RAB39A: variants seen among roughly 807,000 people sequenced by gnomAD.
The protein encoded by RAB39A is ras-related protein Rab-39A.
A neutral mutation model predicts 20.9 loss-of-function variants in RAB39A; 17 were observed. The observed-to-expected ratio is 0.81, with a 90% CI of 0.56 to 1.22. The LOEUF is 1.22. RAB39A is among the 50% of genes most tolerant of loss of function. RAB39A has a pLI of 0.00. For synonymous variants in RAB39A, 99 were observed against 103.4 expected (o/e 0.96, Z 0.26); for missense variants, 234 against 270.5 (o/e 0.87, Z 0.95).
At chr11:107,933,670 C>T (rs1861163835) in intron 1 of RAB39A, among the ~76,000 whole-genome samples, 1 of 148,404 alleles carries the variant, frequency 6.7e-6, no homozygotes, top group Non-Finnish European at 1.5e-5. Flanking sequence ...CTGTGCCTCA[C>T]CTGTGATTCT....
intron 1 of RAB39A, among the ~76,000 whole-genome samples, chr11:107,958,001 C>G (rs1861455339): frequency 6.6e-6 from 1 of 152,058 alleles, no homozygotes; most frequent in Admixed American, 6.5e-5. Flanking sequence ...AAGCAATTCT[C>G]CTGCCTCAGC....
chr11:107,929,100 G>A (rs926835799), intron 1 of RAB39A, among the ~76,000 whole-genome samples: 7 of 152,122 alleles, frequency 4.6e-5, no homozygotes, highest in African/African-American at 1.7e-4. Context: ...GCCCCTGTGG[G>A]TATTTTTATC....
Position 107,928,715 on chromosome 11 carries a change from C to T in RAB39A, c.147C>T (p.Phe49=). Residue 49 remains phenylalanine (F), a synonymous_variant, in exon 1 of 2, where the codon TTC becomes TTT. Transcript: ENST00000320578. This position sits in a 1 kb window ranked among gnomAD's most constrained non-coding sequence, Gnocchi z 4.9. ...PACDPTVGVD[F]FSRLLEIEPG... is the part of the protein sequence containing the mutation. ...GCGACCCCACCGTCGGCGTGGACTT[C>T]TTCTCCCGCCTGCTGGAGATCGAGC... 3.1e-6 allele frequency: 5 copies of T among 1,610,686 alleles called. No homozygotes were observed. Among genetic ancestry groups the T allele is most frequent in the Non-Finnish European group, 3.4e-6 (4 of 1,178,354 alleles).
At chr11:107,961,387 T>C (rs184291861) in intron 1 of RAB39A, among the ~76,000 whole-genome samples, 30 of 152,268 alleles carry the variant, frequency 2.0e-4, no homozygotes, top group Non-Finnish European at 2.9e-5. Context: ...TCCACCCTCA[T>C]GACCTAAATT....
At chr11:107,954,477 G>A (rs1861413881) in intron 1 of RAB39A, among the ~76,000 whole-genome samples, 3 of 151,994 alleles carry the variant, frequency 2.0e-5, no homozygotes, top group South Asian at 2.1e-4. Context: ...CAAACCCTTC[G>A]CGTCTGCTCA....
At chr11:107,951,509 A>C (rs189833755) in intron 1 of RAB39A, among the ~76,000 whole-genome samples, 1 of 152,280 alleles carries the variant, frequency 6.6e-6, no homozygotes, top group South Asian at 2.1e-4. Context: ...TACCTAAGGA[A>C]GTCAGCAAGT....
At chr11:107,946,396 A>ATGTGTG (rs71047654) in intron 1 of RAB39A, among the ~76,000 whole-genome samples, 553 of 37,566 alleles carry the variant, frequency 0.015, 11 homozygotes, top group Middle Eastern at 0.043. Context: ...GGGTGTATAT[A>ATGTGTG]TGTGTGTGTG....
At chr11:107,954,810 C>A (rs1030599545) in intron 1 of RAB39A, among the ~76,000 whole-genome samples, 2 of 152,020 alleles carry the variant, frequency 1.3e-5, no homozygotes, top group Admixed American at 1.3e-4. Flanking sequence ...ATATATGTGA[C>A]CTCTCCTTGG....
chr11:107,948,587 C>G (rs1403866392), intron 1 of RAB39A, among the ~76,000 whole-genome samples: 4 of 151,914 alleles, frequency 2.6e-5, no homozygotes, highest in Non-Finnish European at 4.4e-5. Context: ...GCAGCCTCAA[C>G]CTTTCCGGGC....
Position 107,962,396 on chromosome 11 carries a change from C to A in RAB39A, c.*24C>A. 1 of 1,568,614 alleles carries A rather than the reference C, an allele frequency of 6.4e-7. No individual in the cohort carries two copies. The highest frequency in any genetic ancestry group is 8.7e-7 in the Non-Finnish European group (1 of 1,153,428). On this transcript the variant is annotated 3_prime_UTR_variant, in exon 2 of 2. Transcript: ENST00000320578. ...GACTTCAAACATGCTGAAGAACTAACAGGAACAGATTGGGTGTCAGTTCAG... is the reference window on the plus strand; with the variant it reads ...GACTTCAAACATGCTGAAGAACTAAAAGGAACAGATTGGGTGTCAGTTCAG...
At chr11:107,932,036 CT>C (rs1861143271) in intron 1 of RAB39A, among the ~76,000 whole-genome samples, 2 of 151,766 alleles carry the variant, frequency 1.3e-5, no homozygotes, top group South Asian at 4.2e-4. Context: ...ATTTTTGTAT[CT>C]TTTTTTGTAA....
intron 1 of RAB39A, among the ~76,000 whole-genome samples, chr11:107,940,879 A>C (rs1438537507): frequency 9.9e-5 from 15 of 151,934 alleles, no homozygotes; most frequent in Admixed American, 9.8e-4. Context: ...AGGCTGAGGA[A>C]GGAGAATCAC....
chr11:107,946,308 C>CTATATATATATATATATATATA (rs369739015), intron 1 of RAB39A, among the ~76,000 whole-genome samples: 2 of 94,270 alleles, frequency 2.1e-5, no homozygotes, highest in African/African-American at 7.5e-5. Context: ...GAACAGGATA[C>CTATATATATATATATATATATA]TATATATATA....
intron 1 of RAB39A, among the ~76,000 whole-genome samples, chr11:107,960,403 C>T (rs914972797): frequency 3.3e-5 from 5 of 152,172 alleles, no homozygotes; most frequent in African/African-American, 9.6e-5. Context: ...GGGAAGGCTG[C>T]TCAGATGGTA....
At chr11:107,933,545 A>G (rs1178512110) in intron 1 of RAB39A, among the ~76,000 whole-genome samples, 1 of 150,546 alleles carries the variant, frequency 6.6e-6, no homozygotes, top group Non-Finnish European at 1.5e-5. Flanking sequence ...GCACCTGGCC[A>G]ATTTTTGTAT....
chr11:107,945,657 T>C (rs1025712327), intron 1 of RAB39A, among the ~76,000 whole-genome samples: 1 of 152,194 alleles, frequency 6.6e-6, no homozygotes, highest in African/African-American at 2.4e-5. Context: ...CTTCTGGAAG[T>C]GGGAGTACTA....
At chr11:107,949,015 A>G (rs899792190) in intron 1 of RAB39A, among the ~76,000 whole-genome samples, 1 of 152,148 alleles carries the variant, frequency 6.6e-6, no homozygotes, top group African/African-American at 2.4e-5. Flanking sequence ...CCAACTCTCA[A>G]TAGGAAGAAC....
chr11:107,939,721 A>G (rs1227053176), intron 1 of RAB39A, among the ~76,000 whole-genome samples: 2 of 152,160 alleles, frequency 1.3e-5, no homozygotes, highest in Non-Finnish European at 2.9e-5. Context: ...CTCACCTTGA[A>G]ATGTTATTTC....
At chr11:107,930,163 C>A (rs903761340) in intron 1 of RAB39A, among the ~76,000 whole-genome samples, 4 of 152,124 alleles carry the variant, frequency 2.6e-5, no homozygotes, top group Non-Finnish European at 5.9e-5. Flanking sequence ...GTAAGGCCAG[C>A]GCTTCAGAGA....
Sources: gnomAD v4.1 joint callset for allele counts (sites outside exome capture counted in the v4.1 genomes callset) on GRCh38, gnomAD v4.1.1 for gene constraint, Gnocchi (gnomAD v3.1) non-coding constraint, MANE v1.5 for transcripts, NCBI Gene and HGNC (gene_info 2026-07-23, HGNC 2026-07-21) for gene names.